TNNT1: variants seen among roughly 807,000 people sequenced by gnomAD.
TNNT1 encodes troponin T1, slow skeletal type, also known as troponin T, slow skeletal muscle.
In TNNT1, 53 loss-of-function variants were observed where a neutral mutation model predicts 50.6. The ratio of observed to expected loss-of-function variants is 1.05; its 90% confidence interval spans 0.84 to 1.32. The LOEUF (loss-of-function observed/expected upper bound fraction) is 1.32, where lower values mean the gene tolerates loss of function less well. Ranked by LOEUF, TNNT1 falls within the 40% of genes most tolerant of loss-of-function variation. The pLI, the probability that TNNT1 is intolerant of heterozygous loss-of-function variation, is 0.00. For missense variants in TNNT1, 348 were observed against 381.7 expected (o/e 0.91, Z 0.74); for synonymous variants, 142 against 138.0 (o/e 1.03, Z -0.20).
At chr19:55,140,741 C>G (rs1312063390) in intron 9 of TNNT1, 142 bp downstream of exon 9, 1 of 469,398 alleles carries the variant, frequency 2.1e-6, no homozygotes, top group Non-Finnish European at 3.3e-6. Flanking sequence ...CGTGCCACTG[C>G]ACTCCAGCCT....
chr19:55,140,825 A>T, intron 9 of TNNT1, 58 bp downstream of exon 9: 3 of 1,199,240 alleles, frequency 2.5e-6, no homozygotes, highest in Non-Finnish European at 3.6e-6. Context: ...ATAATAACAA[A>T]ATGGGCATCC....
At chr19:55,145,514 A>G in intron 6 of TNNT1, 30 bp downstream of exon 6, 1 of 1,612,734 alleles carries the variant, frequency 6.2e-7, no homozygotes, top group South Asian at 1.1e-5. Context: ...AAGATGTATG[A>G]CTGGGGCCCC....
chr19:55,141,316 G>T lies in TNNT1; in HGVS notation c.193-14C>A, dbSNP rs1372150707. 3 of 1,607,438 alleles carry T rather than the reference G, an allele frequency of 1.9e-6. No homozygotes were observed. On this transcript the variant is annotated splice_polypyrimidine_tract_variant and intron_variant, in intron 7 of 13. Coordinates refer to ENST00000588981, the MANE Select transcript of TNNT1 (RefSeq NM_003283.6). ...GCGGTGGATGTCCTGCAGGACACAC[G>T]GGCAGCCCGTCCTAGGAGACCCTGG...
intron 11 of TNNT1, among the ~76,000 whole-genome samples, chr19:55,136,836 A>C (rs970089230): frequency 2.0e-5 from 3 of 152,130 alleles, no homozygotes; most frequent in Admixed American, 2.0e-4. Flanking sequence ...AAATCTCCTA[A>C]ACTTGGGGGA....
chr19:55,145,648 C>T, intron 5 of TNNT1, 83 bp from the exon 6 acceptor site: 7 of 1,507,388 alleles, frequency 4.6e-6, no homozygotes, highest in Non-Finnish European at 6.4e-6. Flanking sequence ...TGGGGAGGGA[C>T]CCCCCAAGCC....
intron 1 of TNNT1, 139 bp downstream of exon 1, chr19:55,149,022 A>C (rs548185274): frequency 2.4e-4 from 95 of 392,230 alleles, no homozygotes; most frequent in African/African-American, 1.8e-3. Context: ...TGAGCCTCTC[A>C]AGTTCCCAGA....
chr19:55,146,358 G>T, intron 5 of TNNT1, 76 bp downstream of exon 5: 1 of 1,125,928 alleles, frequency 8.9e-7, no homozygotes, highest in Non-Finnish European at 1.2e-6. Flanking sequence ...TGGTCTTGGA[G>T]GTTGGGGCCC....
intron 6 of TNNT1, among the ~76,000 whole-genome samples, chr19:55,143,381 C>T (rs1407569738): frequency 6.6e-6 from 1 of 152,168 alleles, no homozygotes; most frequent in Non-Finnish European, 1.5e-5. Flanking sequence ...CAGCCCTCAG[C>T]CTGCTCTGAT....
intron 6 of TNNT1, 80 bp from the exon 7 acceptor site, chr19:55,142,000 T>G (rs1568844018): frequency 1.4e-6 from 2 of 1,460,028 alleles, no homozygotes; most frequent in Non-Finnish European, 1.9e-6. Flanking sequence ...TGCCGTCCAG[T>G]GAGGTAGCCG....
At chr19:55,133,772 G>A in intron 13 of TNNT1, 115 bp downstream of exon 13, 1 of 1,206,824 alleles carries the variant, frequency 8.3e-7, no homozygotes. Context: ...AGGACAAAGA[G>A]AAAGGGGCAG....
At chr19:55,142,651 G>A (rs1306977268) in intron 6 of TNNT1, among the ~76,000 whole-genome samples, 2 of 149,450 alleles carry the variant, frequency 1.3e-5, no homozygotes, top group Admixed American at 6.7e-5. Flanking sequence ...AGATTCAAGC[G>A]ATTCTCCTGC....
At chr19:55,145,733 G>A (rs1353718129) in intron 5 of TNNT1, among the ~76,000 whole-genome samples, 168 bp from the exon 6 acceptor site, 1 of 151,734 alleles carries the variant, frequency 6.6e-6, no homozygotes, top group Non-Finnish European at 1.5e-5. Flanking sequence ...AGAAAAGAGG[G>A]AAGGAAAGTC....
At chr19:55,145,373 G>A (rs1432037536) in intron 6 of TNNT1, 171 bp downstream of exon 6, 2 of 676,556 alleles carry the variant, frequency 3.0e-6, no homozygotes, top group Non-Finnish European at 5.4e-6. Context: ...GGGAGGAGGA[G>A]GGAGAGGAGG....
chr19:55,146,616 T>G, intron 4 of TNNT1, 65 bp downstream of exon 4: 2 of 786,964 alleles, frequency 2.5e-6, no homozygotes, highest in Non-Finnish European at 3.9e-6. Flanking sequence ...CGCCCCCTCC[T>G]CCCGGGCCCA....
At chr19:55,146,606 CG>C in intron 4 of TNNT1, 74 bp downstream of exon 4, 4 of 1,199,612 alleles carry the variant, frequency 3.3e-6, no homozygotes, top group Non-Finnish European at 4.5e-6. Flanking sequence ...AGCCCCATCC[CG>C]CCCCCTCCTC....
chr19:55,136,754 C>G (rs367973437), intron 11 of TNNT1, among the ~76,000 whole-genome samples: 1 of 152,142 alleles, frequency 6.6e-6, no homozygotes, highest in Non-Finnish European at 1.5e-5. Flanking sequence ...AATTCTCACC[C>G]GCATTCCTGG....
intron 11 of TNNT1, 145 bp from the exon 12 acceptor site, chr19:55,134,349 C>G: frequency 1.2e-6 from 1 of 831,416 alleles, no homozygotes; most frequent in Non-Finnish European, 1.9e-6. Flanking sequence ...TGCCCACTTT[C>G]TCCACATCCG....
rs764558702 is a variant in TNNT1 at position 55,140,926 on chromosome 19, C to T, written c.344G>A (p.Arg115His). The change falls in exon 9 of 14, where the codon CGC becomes CAC. Residue 115 changes from arginine to histidine, a missense_variant. Coordinates refer to ENST00000588981, the MANE Select transcript of TNNT1 (RefSeq NM_003283.6). The stretch of plus-strand genomic sequence containing the variant: ...TTCGCGTTCCTTCTCAGTTCTGAAG[C>T]GCTGTTGCTCGGCTCTCTCTGACCG... ...RRRSERAEQQRFRTEKERERQ... is the reference protein window; with the variant it reads ...RRRSERAEQQHFRTEKERERQ... 1.2e-6 allele frequency: 2 copies of T among 1,613,810 alleles called. No homozygotes were observed. Among genetic ancestry groups the T allele is most frequent in the Non-Finnish European group, 1.7e-6 (2 of 1,180,016 alleles).
intron 11 of TNNT1, 22 bp downstream of exon 11, chr19:55,137,081 C>A: frequency 1.4e-6 from 2 of 1,420,086 alleles, no homozygotes; most frequent in South Asian, 1.2e-5. Flanking sequence ...CCCCTACACC[C>A]CGAGCCCCCC....
Sources: allele counts gnomAD v4.1 joint callset (sites outside exome capture counted in the v4.1 genomes callset), GRCh38; gene constraint gnomAD v4.1.1; transcripts MANE v1.5; gene names NCBI Gene and HGNC (gene_info 2026-07-23, HGNC 2026-07-21).